CMYA5: variants seen among roughly 807,000 people sequenced by gnomAD.
CMYA5 encodes cardiomyopathy associated 5.
In CMYA5, 246 loss-of-function variants were observed where a neutral mutation model predicts 318.9. That is an observed-to-expected ratio of 0.77 (90% CI 0.70 to 0.86). The LOEUF (loss-of-function observed/expected upper bound fraction) is 0.86. Among genes scored for constraint, CMYA5 ranks in the 40% least tolerant of loss-of-function variants. CMYA5 has a pLI of 0.00. For missense variants in CMYA5, 4,589 were observed against 4,678.2 expected, an observed-to-expected ratio of 0.98 and a Z score of 0.56; for synonymous variants, 1,641 against 1,729.5, an observed-to-expected ratio of 0.95 and a Z score of 1.27.
chr5:79,752,701 G>C lies in CMYA5; in HGVS notation c.11017G>C (p.Ala3673Pro). The change falls in exon 6 of 13, where the codon GCT (alanine) becomes CCT (proline). Residue 3673 changes from alanine to proline, a missense_variant. Transcript: ENST00000446378. ...ERLLSAMEST[A>P]SLEKMPAAFS... ...GTTGCTTTCTGCAATGGAGAGCACT[G>C]CTTCTTTAGAGAAAATGCCTGCTGC... The C allele has an allele frequency of 6.2e-7, 1 of 1,613,468 alleles. No individual in the cohort carries two copies. Among genetic ancestry groups the C allele is most frequent in the East Asian group, 2.2e-5 (1 of 44,858 alleles).
chr5:79,766,552 A>G (rs1366437026), intron 9 of CMYA5, among the ~76,000 whole-genome samples: 3 of 152,176 alleles, frequency 2.0e-5, no homozygotes, highest in Admixed American at 6.5e-5. Context: ...TTCTGCATCT[A>G]TTGAGATAAT....
intron 9 of CMYA5, among the ~76,000 whole-genome samples, chr5:79,768,157 G>T (rs1313967336): frequency 3.3e-5 from 5 of 151,478 alleles, no homozygotes; most frequent in African/African-American, 1.2e-4. Flanking sequence ...TGCTTGGTAA[G>T]TATTCCTCCA....
intron 1 of CMYA5, among the ~76,000 whole-genome samples, chr5:79,699,661 G>A (rs1253573532): frequency 6.6e-6 from 1 of 152,108 alleles, no homozygotes; most frequent in Non-Finnish European, 1.5e-5. Flanking sequence ...GTGAACCGAG[G>A]GTATCACCCA....
intron 12 of CMYA5, among the ~76,000 whole-genome samples, chr5:79,797,749 T>C (rs1451199991): frequency 8.5e-5 from 13 of 152,182 alleles, no homozygotes; most frequent in Admixed American, 5.9e-4. Flanking sequence ...GACTTACTTA[T>C]CCACGTAACA....
chr5:79,799,752 A>C lies in CMYA5; in HGVS notation c.*136A>C. On this transcript the variant is annotated 3_prime_UTR_variant, in exon 13 of 13. Coordinates refer to ENST00000446378, the MANE Select transcript of CMYA5 (RefSeq NM_153610.5). Reference sequence around the variant, plus strand: ...AATGATGGCTGCATGCATAGCAATCAGCATGTGAGCAAAATCGACAAGAAA... The same window carrying C: ...AATGATGGCTGCATGCATAGCAATCCGCATGTGAGCAAAATCGACAAGAAA... 8.5e-7 allele frequency: 1 copy of C among 1,171,214 alleles called. No homozygotes were observed. The highest frequency in any genetic ancestry group is 1.7e-5 in the South Asian group (1 of 58,570). 72.6% of individuals were successfully genotyped at this position (1,171,214 alleles called of 1,614,324 possible).
rs1561213264 is a variant in CMYA5, at chr5:79,737,883, T to A, written c.9118T>A (p.Ser3040Thr). The A allele has an allele frequency of 6.3e-7, 1 of 1,599,986 alleles. No homozygotes were observed. The highest frequency in any genetic ancestry group is 2.2e-5 in the East Asian group (1 of 44,812). The change falls in exon 2 of 13, where the codon TCA (serine) becomes ACA (threonine). Residue 3040 changes from serine (S) to threonine (T), a missense_variant. Ser to Thr is a moderately conservative substitution (Grantham distance 58, BLOSUM62 1). Coordinates refer to ENST00000446378, the MANE Select transcript of CMYA5 (RefSeq NM_153610.5). Reference protein sequence around the residue: ...EISTDSETDLSFIQPTIPSEE... With the variant: ...EISTDSETDLTFIQPTIPSEE... ...ATCCACAGATTCAGAAACTGATTTATCATTTATTCAGCCCACAATTCCCAG... is the reference window on the plus strand; with the variant it reads ...ATCCACAGATTCAGAAACTGATTTAACATTTATTCAGCCCACAATTCCCAG...
intron 11 of CMYA5, 21 bp from the exon 12 acceptor site, chr5:79,793,416 T>C: frequency 6.2e-7 from 1 of 1,604,398 alleles, no homozygotes. Context: ...CTGAGCATAC[T>C]CTGATTGACT....
chr5:79,790,148 G>T (rs1829150301), intron 10 of CMYA5, among the ~76,000 whole-genome samples: 1 of 152,194 alleles, frequency 6.6e-6, no homozygotes, highest in Non-Finnish European at 1.5e-5. Context: ...GTCAGGGCCA[G>T]CCTGATGTTT....
At chr5:79,764,166 A>G (rs918493062) in intron 9 of CMYA5, among the ~76,000 whole-genome samples, 5 of 151,800 alleles carry the variant, frequency 3.3e-5, no homozygotes, top group Non-Finnish European at 4.4e-5. Flanking sequence ...CCTGCCCCCA[A>G]AAAGGCCCCA....
Position 79,743,719 on chromosome 5 carries a change from A to G in CMYA5, c.10639-108A>G, listed in dbSNP as rs1828264201. 5 of 584,690 alleles carry G rather than the reference A, an allele frequency of 8.6e-6. No homozygotes were observed. The South Asian group carries it at 1.0e-4, about 12-fold the overall frequency. The allele number at this position is 584,690 out of a possible 1,614,324, so 36.2% of individuals were successfully genotyped here. On this transcript the variant is annotated intron_variant, in intron 2 of 12. Transcript: ENST00000446378. ...ATTGATTTGTTAGTGGATATAGTATAGTAAGTCTCTACGAAACATACTAAA... is the reference window on the plus strand; with the variant it reads ...ATTGATTTGTTAGTGGATATAGTATGGTAAGTCTCTACGAAACATACTAAA...
At chr5:79,794,516 C>T (rs1344653162) in intron 12 of CMYA5, among the ~76,000 whole-genome samples, 1 of 152,178 alleles carries the variant, frequency 6.6e-6, no homozygotes, top group Non-Finnish European at 1.5e-5. Context: ...CTCAATTAGC[C>T]TCCTGTTGGC....
chr5:79,732,061 C>A lies in CMYA5; in HGVS notation c.3296C>A (p.Thr1099Asn), dbSNP rs758660950. 6.2e-7 allele frequency: 1 copy of A among 1,613,982 alleles called. No homozygotes were observed. The highest frequency in any genetic ancestry group is 1.1e-5 in the South Asian group (1 of 91,076). The part of the protein sequence containing the change: ...KAEIKPEIPT[T>N]STSVSEYLIL... ...GAAATTAAGCCAGAGATTCCAACAA[C>A]CTCAACATCTGTATCTGAATATCTC... The change falls in exon 2 of 13, where the codon ACC (threonine) becomes AAC (asparagine). Residue 1099 changes from threonine (T) to asparagine (N), a missense_variant. Transcript: ENST00000446378.
chr5:79,769,093 TGA>T (rs1433393873), intron 9 of CMYA5, among the ~76,000 whole-genome samples: 1 of 152,034 alleles, frequency 6.6e-6, no homozygotes, highest in Non-Finnish European at 1.5e-5. Flanking sequence ...ATTTGGCTAT[TGA>T]TACTTGTGTA....
chr5:79,790,647 G>A (rs944085304), intron 10 of CMYA5, among the ~76,000 whole-genome samples: 12 of 152,190 alleles, frequency 7.9e-5, no homozygotes, highest in African/African-American at 1.2e-4. Context: ...GGAGGGCTGC[G>A]GTGGGGTCCG....
At position 79,736,336 on chromosome 5, in the gene CMYA5, A is replaced by G. The variant is rs758186208; in HGVS notation, c.7571A>G (p.Asn2524Ser). The G allele has an allele frequency of 8.1e-6, 13 of 1,613,526 alleles. No homozygotes were observed. Among genetic ancestry groups the G allele is most frequent in the Admixed American group, 1.7e-5 (1 of 59,918 alleles). Residue 2524 changes from asparagine to serine, a missense_variant, in exon 2 of 13, where the codon AAT (asparagine) becomes AGT (serine). Asn to Ser is a conservative substitution (Grantham distance 46, BLOSUM62 1). Coordinates refer to ENST00000446378, the MANE Select transcript of CMYA5 (RefSeq NM_153610.5). ...CACTTCTATCAAAATGAAGACTACA[A>G]TGAAAGACCCAAAATCATTGTTGGT... Reference protein sequence around the residue: ...PQHFYQNEDYNERPKIIVGSE... With the variant: ...PQHFYQNEDYSERPKIIVGSE...
At chr5:79,753,940 G>C (rs1159277003) in intron 6 of CMYA5, among the ~76,000 whole-genome samples, 1 of 152,108 alleles carries the variant, frequency 6.6e-6, no homozygotes, top group Non-Finnish European at 1.5e-5. Flanking sequence ...TGCTTTTAAG[G>C]GATTCATTAT....
In CMYA5 at chr5:79,731,768, C is replaced by T. The variant is rs1417629561; in HGVS notation, c.3003C>T (p.Asp1001=). The T allele has an allele frequency of 1.2e-6, 2 of 1,613,314 alleles. No individual in the cohort carries two copies. Among genetic ancestry groups the T allele is most frequent in the Admixed American group, 3.3e-5 (2 of 59,902 alleles). ...DTEEAELFSP[D]SASQVSIPPF... The stretch of plus-strand genomic sequence containing the variant: ...AAGAAGCGGAACTGTTCTCTCCAGA[C>T]TCAGCATCACAAGTTTCAATCCCTC... The change falls in exon 2 of 13, where the codon GAC becomes GAT. Residue 1001 remains aspartate, a synonymous_variant. Transcript: ENST00000446378.
rs571511883 is a variant in CMYA5 at position 79,731,458 on chromosome 5, C to T, written c.2693C>T (p.Thr898Ile). Residue 898 changes from threonine to isoleucine, a missense_variant, in exon 2 of 13, where the codon ACA (threonine) becomes ATA (isoleucine). Coordinates refer to ENST00000446378, the MANE Select transcript of CMYA5 (RefSeq NM_153610.5). Reference sequence around the variant, plus strand: ...TTGGAACGATACACACCCTCTTCTACATCTGCTTCTGAATTTTCAGTACCA... The same window carrying T: ...TTGGAACGATACACACCCTCTTCTATATCTGCTTCTGAATTTTCAGTACCA... ...VELERYTPSS[T>I]SASEFSVPPY... 6 of 1,609,744 alleles carry T rather than the reference C, an allele frequency of 3.7e-6. No homozygotes were observed. The East Asian group carries it at 1.1e-4, about 30-fold the overall frequency.
chr5:79,691,599 G>A (rs575208075), intron 1 of CMYA5, among the ~76,000 whole-genome samples: 21 of 152,180 alleles, frequency 1.4e-4, no homozygotes, highest in Non-Finnish European at 2.6e-4. Flanking sequence ...ATGGAAAATG[G>A]AGGCCTGGAA....
Sources: allele counts gnomAD v4.1 joint callset (sites outside exome capture counted in the v4.1 genomes callset), GRCh38; gene constraint gnomAD v4.1.1; transcripts MANE v1.5; gene names NCBI Gene and HGNC (gene_info 2026-07-23, HGNC 2026-07-21).